COLEC10: variants seen among roughly 807,000 people sequenced by gnomAD.
The protein encoded by COLEC10 is collectin subfamily member 10, also known as collectin-10.
Under a neutral mutation model 28.4 loss-of-function variants are expected in COLEC10, and 22 were observed. The observed-to-expected ratio is 0.78, with a 90% confidence interval of 0.55 to 1.11. The LOEUF (loss-of-function observed/expected upper bound fraction) is 1.11. Among genes scored for constraint, COLEC10 ranks in the 50% least tolerant of loss-of-function variants. The pLI is 0.00. For missense variants in COLEC10, 361 were observed against 344.1 expected (o/e 1.05, Z -0.39); for synonymous variants, 125 against 116.1 (o/e 1.08, Z -0.49).
At chr8:119,104,491 T>C (rs1485462256) in intron 5 of COLEC10, among the ~76,000 whole-genome samples, 2 of 152,180 alleles carry the variant, frequency 1.3e-5, no homozygotes, top group African/African-American at 4.8e-5. Flanking sequence ...TGGTCATTTT[T>C]GTTATCCCTT....
In COLEC10 at chr8:119,041,985, G is replaced by A. The variant is rs141332376; in HGVS notation, n.235+32432G>A. ...TGAAATAGGCAGGAGGTAGGGGGAA[G>A]CAATTGTTTTTGGTTTTTTTTGGTT... On this transcript the variant is annotated intron_variant and non_coding_transcript_variant, in intron 2 of 6. Transcript: ENST00000521788. Among the ~76,000 whole-genome samples the A allele has an allele frequency of 3.2e-3, 488 of 152,070 alleles. 1 individual carries two copies. The highest frequency in any genetic ancestry group is 0.011 in the African/African-American group (452 of 41,484).
At chr8:118,997,992 A>G (rs1813618342) in intron 1 of COLEC10, among the ~76,000 whole-genome samples, 1 of 152,212 alleles carries the variant, frequency 6.6e-6, no homozygotes, top group South Asian at 2.1e-4. Context: ...GCAGCATTGA[A>G]AAATAGCACT....
intron 2 of COLEC10, among the ~76,000 whole-genome samples, chr8:119,055,633 A>G (rs1458875293): frequency 6.6e-6 from 1 of 152,126 alleles, no homozygotes; most frequent in Non-Finnish European, 1.5e-5. Context: ...TTTGTCTTAG[A>G]GAGCATAAAG....
chr8:118,970,223 C>T, the COLEC10 span, among the ~76,000 whole-genome samples: 3 of 151,862 alleles, frequency 2.0e-5, no homozygotes, highest in Non-Finnish European at 4.4e-5. Flanking sequence ...AGCCATAATC[C>T]TATTTAAGGA....
intron 2 of COLEC10, among the ~76,000 whole-genome samples, chr8:119,021,502 G>A (rs1452153321): frequency 6.6e-6 from 1 of 152,124 alleles, no homozygotes; most frequent in African/African-American, 2.4e-5. Flanking sequence ...TACTACTGCT[G>A]GAGCTGGTAG....
chr8:118,952,742 C>T, the COLEC10 span, among the ~76,000 whole-genome samples: 1 of 152,188 alleles, frequency 6.6e-6, no homozygotes, highest in Non-Finnish European at 1.5e-5. Context: ...CGCTGAACTT[C>T]TGGAGTAGCC....
At chr8:119,011,405 G>C (rs1053641508) in intron 2 of COLEC10, among the ~76,000 whole-genome samples, 2 of 150,672 alleles carry the variant, frequency 1.3e-5, no homozygotes, top group African/African-American at 5.0e-5. Flanking sequence ...CCTTGGGTCA[G>C]GTAATGCCAG....
At chr8:119,077,186 A>AT (rs750842774) in intron 1 of COLEC10, among the ~76,000 whole-genome samples, 2 of 148,694 alleles carry the variant, frequency 1.3e-5, no homozygotes, top group Non-Finnish European at 1.5e-5. Context: ...TTAAGATGAC[A>AT]TTTTACTTTT....
intron 3 of COLEC10, among the ~76,000 whole-genome samples, chr8:119,098,678 T>C (rs138716436): frequency 1.2e-4 from 19 of 152,210 alleles, no homozygotes; most frequent in African/African-American, 4.6e-4. Context: ...TAATAAAACA[T>C]ATTATTTCTT....
chr8:119,089,767 T>A lies in COLEC10; in HGVS notation c.220+16T>A. The stretch of plus-strand genomic sequence containing the variant: ...GGGCCGAAAGGTAACTAAAATGATG[T>A]GAAACTGACATTTTAATATCATAAT... On this transcript the variant is annotated intron_variant, in intron 2 of 5. Coordinates refer to ENST00000332843, the MANE Select transcript of COLEC10 (RefSeq NM_006438.5). 1 of 1,599,032 alleles carries A rather than the reference T, an allele frequency of 6.3e-7. No homozygotes were observed. Among genetic ancestry groups the A allele is most frequent in the Non-Finnish European group, 8.6e-7 (1 of 1,166,672 alleles).
intron 2 of COLEC10, among the ~76,000 whole-genome samples, chr8:119,014,257 C>T (rs1295404462): frequency 6.6e-6 from 1 of 150,380 alleles, no homozygotes; most frequent in Non-Finnish European, 1.5e-5. Flanking sequence ...GGTTGCTCTA[C>T]CGGCATCAAA....
intron 2 of COLEC10, among the ~76,000 whole-genome samples, chr8:119,017,051 T>A (rs1024709629): frequency 6.6e-6 from 1 of 152,204 alleles, no homozygotes; most frequent in African/African-American, 2.4e-5. Context: ...CTAACTAGCA[T>A]GAAATGCTAT....
chr8:119,105,246 A>G lies in COLEC10; in HGVS notation c.443-554A>G, dbSNP rs181609958. ...AGTAGGAGAGAAATGCAGGCAAACG[A>G]TGAGACTAAAATGTGTTGAGTGCTA... On this transcript the variant is annotated intron_variant, in intron 5 of 5. Transcript: ENST00000332843. 2.3e-3 allele frequency among the ~76,000 whole-genome samples: 356 copies of G among 152,280 alleles called. 2 individuals carry two copies. Among genetic ancestry groups the G allele is most frequent in the Middle Eastern group, 6.8e-3 (2 of 294 alleles).
At chr8:119,008,495 A>G (rs1277640685) in intron 1 of COLEC10, among the ~76,000 whole-genome samples, 1 of 143,974 alleles carries the variant, frequency 6.9e-6, no homozygotes, top group Non-Finnish European at 1.5e-5. Context: ...TTTTTTTGCC[A>G]TCGGGATTTG....
chr8:118,958,946 C>T, the COLEC10 span, among the ~76,000 whole-genome samples: 1 of 152,274 alleles, frequency 6.6e-6, no homozygotes, highest in African/African-American at 2.4e-5. Context: ...CTGATTCTGC[C>T]TGGCAGGTGT....
rs370987478 is a variant in COLEC10 at position 119,102,421 on chromosome 8, C to T, written c.346+20C>T. 1.9e-6 allele frequency: 3 copies of T among 1,581,644 alleles called. No individual in the cohort carries two copies. The highest frequency in any genetic ancestry group is 2.6e-6 in the Non-Finnish European group (3 of 1,160,530). On this transcript the variant is annotated intron_variant, in intron 4 of 5. Transcript: ENST00000332843. ...AAGCAGGTACGATATGTTCAATGTT[C>T]TCTTTGATTTCTAGCATGATTCCAA... is the stretch of plus-strand genomic sequence containing the variant.
At chr8:119,087,058 T>G (rs1375682182) in intron 1 of COLEC10, among the ~76,000 whole-genome samples, 2 of 152,226 alleles carry the variant, frequency 1.3e-5, no homozygotes, top group African/African-American at 4.8e-5. Context: ...CAAAGCTTGC[T>G]GTGGGGATCA....
the COLEC10 span, among the ~76,000 whole-genome samples, chr8:118,956,177 T>C: frequency 6.6e-6 from 1 of 152,128 alleles, no homozygotes. Context: ...TAATCGTATT[T>C]GTTAAGACTC....
At position 119,067,386 on chromosome 8, in the gene COLEC10, C is replaced by A. The variant is rs758924009; in HGVS notation, c.105C>A (p.Thr35=). 1 of 1,613,836 alleles carries A rather than the reference C, an allele frequency of 6.2e-7. No individual in the cohort carries two copies. ...GTCTGGATATTGATAGCCGTCCTAC[C>A]GCTGAAGTCTGTGCCACACACACAA... ...SLGLDIDSRP[T]AEVCATHTIS... The change falls in exon 1 of 6, where the codon ACC becomes ACA. Residue 35 remains threonine, a synonymous_variant. Coordinates refer to ENST00000332843, the MANE Select transcript of COLEC10 (RefSeq NM_006438.5).
Sources: gnomAD v4.1 joint callset for allele counts (sites outside exome capture counted in the v4.1 genomes callset) on GRCh38, gnomAD v4.1.1 for gene constraint, MANE v1.5 for transcripts, NCBI Gene and HGNC (gene_info 2026-07-23, HGNC 2026-07-21) for gene names.